Variants in DECR1 observed in about 807,000 individuals in gnomAD.
DECR1 encodes the protein 2,4-dienoyl-CoA reductase [(3E)-enoyl-CoA-producing], mitochondrial.
DECR1 carries 44 observed loss-of-function variants against 38.8 expected under a neutral mutation model. The observed-to-expected ratio is 1.13, with a 90% CI of 0.89 to 1.46. The LOEUF (loss-of-function observed/expected upper bound fraction) is 1.46. Ranked by LOEUF, DECR1 falls within the 40% of genes most tolerant of loss-of-function variation. The probability of loss-of-function intolerance (pLI) is 0.00; values close to 1 mark genes in which losing one functional copy is unlikely to be tolerated. For missense variants in DECR1, 428 were observed against 405.5 expected, an observed-to-expected ratio of 1.06 and a Z score of -0.48; for synonymous variants, 148 against 135.2, an observed-to-expected ratio of 1.09 and a Z score of -0.66.
In DECR1 at chr8:90,021,884, T is replaced by C. The variant is rs976460303; in HGVS notation, c.565+828T>C. On this transcript the variant is annotated intron_variant, in intron 5 of 9. Coordinates refer to ENST00000220764, the MANE Select transcript of DECR1 (RefSeq NM_001359.2). ...AGAACATTTTTGTTAGTATTATGAA[T>C]GAATTACTTTATAAAAGTTCATATG... Among the ~76,000 whole-genome samples the C allele has an allele frequency of 2.0e-5, 3 of 152,332 alleles. No individual in the cohort carries two copies. The East Asian group carries it at 5.8e-4, about 29-fold the overall frequency.
chr8:90,028,312 G>A (rs982613933), intron 5 of DECR1, among the ~76,000 whole-genome samples: 1 of 152,026 alleles, frequency 6.6e-6, no homozygotes, highest in Non-Finnish European at 1.5e-5. Flanking sequence ...AAGTTAAAAT[G>A]TTGGCCTCAT....
chr8:90,005,385 T>C (rs1338391769), intron 1 of DECR1: 1 of 456,156 alleles, frequency 2.2e-6, no homozygotes, highest in African/African-American at 2.0e-5. Flanking sequence ...ATGTGCCGCA[T>C]GTTAGGTTGG....
At chr8:90,045,390 A>G (rs981567274) in intron 8 of DECR1, among the ~76,000 whole-genome samples, 2 of 152,142 alleles carry the variant, frequency 1.3e-5, no homozygotes, top group African/African-American at 2.4e-5. Flanking sequence ...TATCCCGCGC[A>G]TGGCTCAGAG....
rs1814132172 is a variant in DECR1, at chr8:90,052,907, A to G, written c.*1010A>G. Among the ~76,000 whole-genome samples the G allele has an allele frequency of 6.6e-6, 1 of 152,182 alleles. No individual in the cohort carries two copies. Among genetic ancestry groups the G allele is most frequent in the South Asian group, 2.1e-4 (1 of 4,832 alleles). ...TTGACACAAGAGGAAACCAGCTTCCATCTTACCTCATCTGAATAAATCTGC... is the reference window on the plus strand; with the variant it reads ...TTGACACAAGAGGAAACCAGCTTCCGTCTTACCTCATCTGAATAAATCTGC... On this transcript the variant is annotated 3_prime_UTR_variant, in exon 10 of 10. Transcript: ENST00000220764.
chr8:90,026,305 C>A (rs1212065185), intron 5 of DECR1, among the ~76,000 whole-genome samples: 1 of 152,156 alleles, frequency 6.6e-6, no homozygotes, highest in Non-Finnish European at 1.5e-5. Context: ...ATGGTACCAG[C>A]TCCTCTTTGT....
intron 1 of DECR1, among the ~76,000 whole-genome samples, chr8:90,002,719 C>G (rs1812646665): frequency 6.6e-6 from 1 of 152,118 alleles, no homozygotes; most frequent in Non-Finnish European, 1.5e-5. Flanking sequence ...ATGGTGGTTC[C>G]CTCAAGTAAG....
chr8:90,028,092 A>C (rs575666567), intron 5 of DECR1, among the ~76,000 whole-genome samples: 1 of 152,110 alleles, frequency 6.6e-6, no homozygotes, highest in South Asian at 2.1e-4. Flanking sequence ...TTATATGCAG[A>C]TGTTACCTCG....
chr8:90,009,480 C>G (rs1425703240), intron 1 of DECR1, among the ~76,000 whole-genome samples: 4 of 150,358 alleles, frequency 2.7e-5, no homozygotes, highest in Non-Finnish European at 4.4e-5. Context: ...GATAATCTTG[C>G]TGAGAATAGA....
chr8:90,027,205 T>C (rs1405725953), intron 5 of DECR1, among the ~76,000 whole-genome samples: 1 of 152,200 alleles, frequency 6.6e-6, no homozygotes, highest in Non-Finnish European at 1.5e-5. Context: ...TCTGTTGATT[T>C]GGGGTGGAGA....
intron 1 of DECR1, among the ~76,000 whole-genome samples, chr8:90,009,654 A>C (rs556635060): frequency 1.3e-5 from 2 of 152,206 alleles, no homozygotes; most frequent in East Asian, 3.8e-4. Flanking sequence ...ATGTAAGCAA[A>C]TTCCCAAAAC....
At chr8:90,044,094 T>C (rs969445498) in intron 7 of DECR1, among the ~76,000 whole-genome samples, 16 of 152,122 alleles carry the variant, frequency 1.1e-4, no homozygotes, top group African/African-American at 3.9e-4. Context: ...AACTGAAGTG[T>C]AGAAACTCCC....
At chr8:90,025,693 C>T (rs2130082809) in intron 5 of DECR1, among the ~76,000 whole-genome samples, 1 of 152,222 alleles carries the variant, frequency 6.6e-6, no homozygotes, top group Admixed American at 6.5e-5. Context: ...TTCTTCTTTT[C>T]CTAATTGAAT....
chr8:90,010,463 G>T (rs939391428), intron 1 of DECR1, among the ~76,000 whole-genome samples: 3 of 152,224 alleles, frequency 2.0e-5, no homozygotes, highest in African/African-American at 7.2e-5. Flanking sequence ...AAGAATGCAC[G>T]CATGGCCTTC....
chr8:90,017,613 A>C (rs1276176982), intron 2 of DECR1, among the ~76,000 whole-genome samples: 1 of 152,174 alleles, frequency 6.6e-6, no homozygotes, highest in East Asian at 1.9e-4. Flanking sequence ...TTTTCTGTAC[A>C]CGAAGATGAA....
intron 5 of DECR1, among the ~76,000 whole-genome samples, chr8:90,035,128 C>T (rs911126582): frequency 2.0e-5 from 3 of 151,876 alleles, no homozygotes; most frequent in African/African-American, 7.3e-5. Flanking sequence ...TTATTTTTAC[C>T]TTTGGCTGCA....
At chr8:90,049,034 A>G (rs1332462299) in intron 8 of DECR1, among the ~76,000 whole-genome samples, 2 of 152,202 alleles carry the variant, frequency 1.3e-5, no homozygotes, top group Admixed American at 6.5e-5. Flanking sequence ...TTGATGGGAC[A>G]TGCCTCAAAA....
intron 8 of DECR1, 45 bp downstream of exon 8, chr8:90,045,040 T>G (rs1170333611): frequency 6.2e-7 from 1 of 1,610,554 alleles, no homozygotes; most frequent in East Asian, 2.2e-5. Flanking sequence ...AGGAGTGTGT[T>G]TGGGGCAGGG....
In DECR1 at chr8:90,027,837, G is replaced by A. The variant is rs150179366; in HGVS notation, c.565+6781G>A. 2.2e-3 allele frequency among the ~76,000 whole-genome samples: 340 copies of A among 151,962 alleles called. 2 individuals carry two copies. The highest frequency in any genetic ancestry group is 7.1e-3 in the African/African-American group (293 of 41,444). ...TAAGCCTTCTTTCTACATTTATTGA[G>A]ATGGGTATATTTTTAAGCCTGTTAA... On this transcript the variant is annotated intron_variant, in intron 5 of 9. Transcript: ENST00000220764.
At chr8:90,021,176 A>C (rs574144335) in intron 5 of DECR1, 120 bp downstream of exon 5, 1 of 618,106 alleles carries the variant, frequency 1.6e-6, no homozygotes, top group East Asian at 3.4e-5. Context: ...TCACAGTGTA[A>C]TGGAGAAAAA....
Sources: gnomAD v4.1 joint callset for allele counts (sites outside exome capture counted in the v4.1 genomes callset) on GRCh38, gnomAD v4.1.1 for gene constraint, MANE v1.5 for transcripts, NCBI Gene and HGNC (gene_info 2026-07-23, HGNC 2026-07-21) for gene names.